Variants in NT5DC4 observed in about 807,000 individuals in gnomAD.
NT5DC4 encodes 5'-nucleotidase domain containing 4.
Under a neutral mutation model 26.6 loss-of-function variants are expected in NT5DC4, and 44 were observed. That is an observed-to-expected ratio of 1.65 (90% CI 1.30 to 2.13). The LOEUF is 2.13. Ranked by LOEUF, NT5DC4 falls within the 30% of genes most tolerant of loss-of-function variation. The pLI is 0.00. For synonymous variants in NT5DC4, 157 were observed against 86.7 expected (o/e 1.81, Z -4.51); for missense variants, 399 against 228.1 (o/e 1.75, Z -4.83).
chr2:112,725,213 C>T lies in NT5DC4; in HGVS notation c.955C>T (p.His319Tyr), dbSNP rs1354468114. 1.4e-6 allele frequency: 1 copy of T among 715,890 alleles called. No individual in the cohort carries two copies. Among genetic ancestry groups the T allele is most frequent in the African/African-American group, 1.7e-5 (1 of 57,348 alleles). 44.3% of individuals were successfully genotyped at this position (715,890 alleles called of 1,614,324 possible). The change falls in exon 12 of 17, where the codon CAC becomes TAC. Residue 319 changes from histidine to tyrosine, a missense_variant. By Grantham distance (83) the His-to-Tyr change is moderately conservative. Coordinates refer to ENST00000688554, the MANE Select transcript of NT5DC4 (RefSeq NM_001393655.1). ...CCACGTGGGCACCTACACAGGGCCCCACCAGCACTGTGCTGTCTACTCTGG... is the reference window on the plus strand; with the variant it reads ...CCACGTGGGCACCTACACAGGGCCCTACCAGCACTGTGCTGTCTACTCTGG... The part of the protein sequence containing the change: ...KLHVGTYTGP[H>Y]QHCAVYSGGS...
At chr2:112,724,564 T>G in intron 10 of NT5DC4, 1 of 588,220 alleles carries the variant, frequency 1.7e-6, no homozygotes, top group South Asian at 2.0e-5. Context: ...AGGCTGCACA[T>G]GATGTTCAAC....
chr2:112,720,942 G>T (rs72950349), upstream of NT5DC4, among the ~76,000 whole-genome samples: 2 of 152,236 alleles, frequency 1.3e-5, no homozygotes, highest in Non-Finnish European at 2.9e-5. Context: ...GGGCTCGGGG[G>T]AGATGGGAGC....
intron 16 of NT5DC4, 159 bp from the exon 17 acceptor site, chr2:112,738,746 TCCAGGTCA>T: frequency 1.0e-6 from 1 of 970,636 alleles, no homozygotes; most frequent in Admixed American, 2.1e-5. Flanking sequence ...TCTCTTTTTT[TCCAGGTCA>T]CTTGGACAAG....
intron 14 of NT5DC4, among the ~76,000 whole-genome samples, 159 bp from the exon 15 acceptor site, chr2:112,726,519 G>A (rs1217189808): frequency 6.6e-6 from 1 of 152,046 alleles, no homozygotes; most frequent in Non-Finnish European, 1.5e-5. Flanking sequence ...CCAGCACTCA[G>A]GGACCTGCCC....
chr2:112,719,934 CTT>C (rs1165318009), upstream of NT5DC4, among the ~76,000 whole-genome samples: 55 of 66,020 alleles, frequency 8.3e-4, no homozygotes, highest in African/African-American at 1.7e-3. Context: ...CTCTTTCTTT[CTT>C]TCTTTCTTTC....
chr2:112,720,181 G>A (rs1676761483), upstream of NT5DC4, among the ~76,000 whole-genome samples: 2 of 149,500 alleles, frequency 1.3e-5, no homozygotes, highest in African/African-American at 4.9e-5. Flanking sequence ...GCTGCCAAGA[G>A]GCTAATTTTT....
Position 112,723,441 on chromosome 2 carries a change from G to A in NT5DC4, c.645G>A (p.Glu215=). 1.4e-6 allele frequency: 1 copy of A among 716,330 alleles called. No homozygotes were observed. 44.4% of individuals were successfully genotyped at this position (716,330 alleles called of 1,614,324 possible). Residue 215 remains glutamate (E), a synonymous_variant, in exon 8 of 17, where the codon GAG becomes GAA. Coordinates refer to ENST00000688554, the MANE Select transcript of NT5DC4 (RefSeq NM_001393655.1). The part of the protein sequence containing the change: ...HQSGCLKKTL[E]DLEKYVKKDP... ...AGGGCTGTCTCAAGAAGACCCTGGA[G>A]GACTTGGAGAAATATGTGAAGAAGG...
intron 15 of NT5DC4, among the ~76,000 whole-genome samples, chr2:112,728,140 A>T (rs1438357885): frequency 6.6e-6 from 1 of 152,238 alleles, no homozygotes. Context: ...GTCTTAACAG[A>T]CGCATGGGAA....
rs1553437320 is a variant in NT5DC4 at position 112,734,195 on chromosome 2, G to GTGTGTGTGTGTGTGTGTGTGTT, written c.1344+4498_1344+4499insGTGTGTGTGTGTGTTTGTGTGT. On this transcript the variant is annotated intron_variant, in intron 16 of 16. Coordinates refer to ENST00000688554, the MANE Select transcript of NT5DC4 (RefSeq NM_001393655.1). The stretch of plus-strand genomic sequence containing the variant: ...TGTGTGTGTGTGTGTGTGTGTGTGT[G>GTGTGTGTGTGTGTGTGTGTGTT]TGTGTGTACATTAGTCAGGATTTTT... Among the ~76,000 whole-genome samples, 258 of 151,506 alleles carry GTGTGTGTGTGTGTGTGTGTGTT rather than the reference G, an allele frequency of 1.7e-3. 2 individuals are homozygous for GTGTGTGTGTGTGTGTGTGTGTT. Among genetic ancestry groups the GTGTGTGTGTGTGTGTGTGTGTT allele is most frequent in the African/African-American group, 5.8e-3 (236 of 40,910 alleles).
At chr2:112,742,558 T>C (rs545641666), downstream of NT5DC4, 5 of 707,988 alleles carry the variant, frequency 7.1e-6, no homozygotes, top group East Asian at 1.3e-4. Flanking sequence ...AGTCAGCTGA[T>C]GACAATGGCT....
At chr2:112,740,933 C>T (rs749576873), downstream of NT5DC4, 3 of 1,614,040 alleles carry the variant, frequency 1.9e-6, no homozygotes, top group South Asian at 3.3e-5. Context: ...CAAGACTTCA[C>T]AGATTCCATC....
chr2:112,729,580 G>A (rs544712655), intron 15 of NT5DC4, 47 bp from the exon 16 acceptor site: 8 of 716,748 alleles, frequency 1.1e-5, no homozygotes, highest in East Asian at 2.7e-5. Context: ...CTGGAAGGCC[G>A]TACCCGGGAC....
downstream of NT5DC4, chr2:112,742,554 C>T (rs576632135): frequency 3.1e-5 from 22 of 708,656 alleles, no homozygotes; most frequent in East Asian, 5.9e-4. Flanking sequence ...AATAAGTCAG[C>T]TGATGACAAT....
intron 13 of NT5DC4, 36 bp downstream of exon 13, chr2:112,725,588 C>G (rs1287052227): frequency 1.5e-6 from 1 of 662,410 alleles, no homozygotes; most frequent in Admixed American, 2.3e-5. Context: ...CAGAGGGGCA[C>G]TGGCCTCCCA....
chr2:112,726,624 T>C, intron 14 of NT5DC4, 54 bp from the exon 15 acceptor site: 1 of 717,402 alleles, frequency 1.4e-6, no homozygotes, highest in Non-Finnish European at 2.6e-6. Context: ...GAGACTGTCC[T>C]GGCACTCGGA....
At chr2:112,726,919 A>C in intron 15 of NT5DC4, 181 bp downstream of exon 15, 1 of 633,276 alleles carries the variant, frequency 1.6e-6, no homozygotes, top group Non-Finnish European at 2.9e-6. Flanking sequence ...CGACATTCCA[A>C]AGGGCAGCGG....
downstream of NT5DC4, chr2:112,739,186 T>C: frequency 2.9e-6 from 2 of 690,238 alleles, no homozygotes; most frequent in Non-Finnish European, 4.8e-6. Context: ...CTAGAGCAGC[T>C]TTCATCTTCA....
intron 1 of NT5DC4, chr2:112,721,578 A>C (rs972177241): frequency 2.8e-6 from 2 of 717,676 alleles, no homozygotes; most frequent in Non-Finnish European, 5.2e-6. Context: ...TTGCCCGCAC[A>C]CACTCAGATG....
chr2:112,720,510 G>A (rs1017653796), upstream of NT5DC4, among the ~76,000 whole-genome samples: 9 of 152,150 alleles, frequency 5.9e-5, no homozygotes, highest in African/African-American at 1.7e-4. Flanking sequence ...ACACTAAATG[G>A]CCCCAGTGGT....
Sources: allele counts gnomAD v4.1 joint callset (sites outside exome capture counted in the v4.1 genomes callset), GRCh38; gene constraint gnomAD v4.1.1; transcripts MANE v1.5; gene names NCBI Gene and HGNC (gene_info 2026-07-23, HGNC 2026-07-21).